GATAD2B: variants seen among roughly 807,000 people sequenced by gnomAD.
The protein encoded by GATAD2B is GATA zinc finger domain containing 2B.
A neutral mutation model predicts 64.3 loss-of-function variants in GATAD2B; 8 were observed. The observed-to-expected ratio is 0.12, with a 90% CI of 0.07 to 0.22. The LOEUF is 0.22. Ranked by LOEUF, GATAD2B falls within the 10% of genes least tolerant of loss-of-function variation. The probability of loss-of-function intolerance (pLI) is 1.00; values close to 1 mark genes in which losing one functional copy is unlikely to be tolerated. For missense variants in GATAD2B, 453 were observed against 752.0 expected (o/e 0.60, Z 4.65); for synonymous variants, 281 against 271.3 (o/e 1.04, Z -0.35).
intron 3 of GATAD2B, 143 bp from the exon 4 acceptor site, chr1:153,819,065 G>T: frequency 2.5e-6 from 2 of 798,546 alleles, no homozygotes; most frequent in Non-Finnish European, 3.9e-6. Context: ...TTGTATCACT[G>T]GAGTCTGGCA....
intron 1 of GATAD2B, among the ~76,000 whole-genome samples, chr1:153,862,186 G>A (rs1676323350): frequency 7.1e-6 from 1 of 141,190 alleles, no homozygotes; most frequent in African/African-American, 2.7e-5. Flanking sequence ...GCAGCGGCGT[G>A]ATCTCAGCTC....
chr1:153,816,147 G>C lies in GATAD2B; in HGVS notation c.1216+126C>G, dbSNP rs976763265. ...CCCAAACAGCTGTAAAGAAGGGAGGGAGGTGGTTTGGTAACAGGAAGGAGA... is the reference window on the plus strand; with the variant it reads ...CCCAAACAGCTGTAAAGAAGGGAGGCAGGTGGTTTGGTAACAGGAAGGAGA... On this transcript the variant is annotated intron_variant, in intron 7 of 10. Coordinates refer to ENST00000368655, the MANE Select transcript of GATAD2B (RefSeq NM_020699.4). The surrounding 1 kb of genome is among the most constrained non-coding windows in gnomAD (Gnocchi z 4.9). 2 of 642,404 alleles carry C rather than the reference G, an allele frequency of 3.1e-6. No homozygotes were observed. Among genetic ancestry groups the C allele is most frequent in the African/African-American group, 3.7e-5 (2 of 54,742 alleles). The allele number at this position is 642,404 out of a possible 1,614,324, so 39.8% of individuals were successfully genotyped here. A position where few individuals can be genotyped will look rare whatever the true frequency, so the allele number is the denominator to read the frequency against.
In GATAD2B at chr1:153,806,781, T is replaced by G; in HGVS notation, c.*3396A>C. 1 of 146,884 alleles carries G rather than the reference T, an allele frequency of 6.8e-6. No individual in the cohort carries two copies. The highest frequency in any genetic ancestry group is 1.5e-5 in the Non-Finnish European group (1 of 66,652). 9.1% of individuals were successfully genotyped at this position (146,884 alleles called of 1,614,324 possible). On this transcript the variant is annotated 3_prime_UTR_variant, in exon 11 of 11. Coordinates refer to ENST00000368655, the MANE Select transcript of GATAD2B (RefSeq NM_020699.4). ...AGGACGGGGGTGGGGGTAGGGGGTGTGGAGAGAAGGGTTATGCCTTCTGGA... is the reference window on the plus strand; with the variant it reads ...AGGACGGGGGTGGGGGTAGGGGGTGGGGAGAGAAGGGTTATGCCTTCTGGA...
At chr1:153,917,830 T>C (rs1285487249) in intron 1 of GATAD2B, among the ~76,000 whole-genome samples, 1 of 152,104 alleles carries the variant, frequency 6.6e-6, no homozygotes, top group African/African-American at 2.4e-5. Context: ...AATAAATATA[T>C]TATAAAAGTG....
intron 1 of GATAD2B, chr1:153,852,079 C>A: frequency 1.8e-6 from 1 of 551,994 alleles, no homozygotes; most frequent in South Asian, 2.8e-5. Flanking sequence ...CCGCATCATT[C>A]ACTGGTGACA....
intron 1 of GATAD2B, among the ~76,000 whole-genome samples, chr1:153,850,501 T>C (rs1215319131): frequency 6.6e-6 from 1 of 152,174 alleles, no homozygotes. Flanking sequence ...GGTATCACTA[T>C]GTTGGCGAGG....
chr1:153,830,641 A>T (rs2101893835), intron 1 of GATAD2B, among the ~76,000 whole-genome samples: 1 of 147,224 alleles, frequency 6.8e-6, no homozygotes, highest in Middle Eastern at 3.4e-3. Context: ...ACGCCCGGCT[A>T]ATTTTTTGTA....
intron 1 of GATAD2B, among the ~76,000 whole-genome samples, chr1:153,876,227 C>CGAAAAAA (rs71584149): frequency 2.1e-5 from 1 of 48,406 alleles, no homozygotes; most frequent in Non-Finnish European, 3.5e-5. Context: ...GACTTCGTCT[C>CGAAAAAA]AAAAAAAAAA....
chr1:153,888,112 T>A (rs1316624415), intron 1 of GATAD2B, among the ~76,000 whole-genome samples: 1 of 151,408 alleles, frequency 6.6e-6, no homozygotes, highest in African/African-American at 2.4e-5. Flanking sequence ...ATTACTGCCA[T>A]ACACTACTCA....
chr1:153,847,637 T>C (rs2101907311), intron 1 of GATAD2B, among the ~76,000 whole-genome samples: 1 of 152,284 alleles, frequency 6.6e-6, no homozygotes, highest in Admixed American at 6.5e-5. Context: ...CTATTTTTTT[T>C]TTCCTTGAAG....
At chr1:153,879,327 G>A (rs935485524) in intron 1 of GATAD2B, among the ~76,000 whole-genome samples, 6 of 150,588 alleles carry the variant, frequency 4.0e-5, no homozygotes, top group Non-Finnish European at 7.4e-5. Context: ...CACCCACCTC[G>A]GCCTCCCAAA....
intron 1 of GATAD2B, among the ~76,000 whole-genome samples, chr1:153,904,247 T>C (rs1038989911): frequency 1.3e-5 from 2 of 151,356 alleles, no homozygotes; most frequent in Non-Finnish European, 2.9e-5. Flanking sequence ...GCCACTACAC[T>C]CCAGCCTGGG....
intron 1 of GATAD2B, among the ~76,000 whole-genome samples, chr1:153,873,063 A>AC (rs1183263074): frequency 1.3e-5 from 2 of 152,100 alleles, no homozygotes; most frequent in African/African-American, 4.8e-5. Context: ...GGTTACCCTA[A>AC]CGTTTTAATC....
chr1:153,852,936 G>T, intron 1 of GATAD2B: 1 of 837,668 alleles, frequency 1.2e-6, no homozygotes, highest in Non-Finnish European at 2.1e-6. Context: ...GACTTCCTAA[G>T]CTTGTGTTAA....
chr1:153,865,268 T>C (rs1401740399), intron 1 of GATAD2B, among the ~76,000 whole-genome samples: 1 of 151,962 alleles, frequency 6.6e-6, no homozygotes. Context: ...GAGACCAGCC[T>C]GGCCAACATG....
chr1:153,896,817 T>C (rs1416371712), intron 1 of GATAD2B, among the ~76,000 whole-genome samples: 1 of 152,164 alleles, frequency 6.6e-6, no homozygotes, highest in East Asian at 1.9e-4. Context: ...CAGGAGATCA[T>C]GCTATATTCT....
chr1:153,873,235 C>T (rs1676724459), intron 1 of GATAD2B, among the ~76,000 whole-genome samples: 1 of 152,162 alleles, frequency 6.6e-6, no homozygotes, highest in East Asian at 1.9e-4. Flanking sequence ...GCTACTCTAA[C>T]ACACTTGTTT....
chr1:153,900,431 G>C (rs1430325128), intron 1 of GATAD2B, among the ~76,000 whole-genome samples: 2 of 151,962 alleles, frequency 1.3e-5, no homozygotes, highest in Admixed American at 6.6e-5. Flanking sequence ...AAAAAGAAAA[G>C]AAAAGAATAG....
intron 1 of GATAD2B, among the ~76,000 whole-genome samples, chr1:153,862,947 C>T (rs1457233454): frequency 6.6e-6 from 1 of 151,034 alleles, no homozygotes; most frequent in Non-Finnish European, 1.5e-5. Flanking sequence ...TGATCTCAAA[C>T]TCCCGACCTC....
Sources: allele counts gnomAD v4.1 joint callset (sites outside exome capture counted in the v4.1 genomes callset), GRCh38; gene constraint gnomAD v4.1.1; non-coding constraint Gnocchi (gnomAD v3.1); transcripts MANE v1.5; gene names NCBI Gene and HGNC (gene_info 2026-07-23, HGNC 2026-07-21).